The following KPNA1 variants were observed in gnomAD, a reference collection of about 807,000 sequenced individuals.
KPNA1 encodes the protein importin subunit alpha-5.
Under a neutral mutation model 70.5 loss-of-function variants are expected in KPNA1, and 10 were observed. The observed-to-expected ratio is 0.14, with a 90% CI of 0.09 to 0.24. KPNA1 has a LOEUF of 0.24. Among genes scored for constraint, KPNA1 ranks in the 10% least tolerant of loss-of-function variants. The pLI is 1.00. For missense variants in KPNA1, 397 were observed against 637.9 expected (o/e 0.62, Z 4.07); for synonymous variants, 192 against 221.9 (o/e 0.87, Z 1.20).
At chr3:122,457,897 A>G (rs1444866708) in intron 5 of KPNA1, 3 of 1,280,198 alleles carry the variant, frequency 2.3e-6, no homozygotes, top group South Asian at 1.3e-5. Flanking sequence ...ATAAACCCAG[A>G]TAGCAAACTC....
chr3:122,427,383 T>C (rs2075836431), intron 13 of KPNA1, 155 bp downstream of exon 13: 2 of 784,806 alleles, frequency 2.5e-6, no homozygotes, highest in South Asian at 1.9e-5. Flanking sequence ...ACATCTTAAA[T>C]ACATATGCAA....
intron 2 of KPNA1, among the ~76,000 whole-genome samples, chr3:122,471,839 T>A (rs1275188779): frequency 6.6e-6 from 1 of 152,180 alleles, no homozygotes; most frequent in Non-Finnish European, 1.5e-5. Context: ...ACACAGCAGA[T>A]AAGACAAGTT....
intron 2 of KPNA1, among the ~76,000 whole-genome samples, chr3:122,481,215 A>G (rs1186968915): frequency 6.6e-6 from 1 of 152,204 alleles, no homozygotes; most frequent in East Asian, 1.9e-4. Context: ...ACATACATCC[A>G]CACAAAAACT....
At position 122,427,002 on chromosome 3, in the gene KPNA1, C is replaced by T. The variant is rs1560012233; in HGVS notation, c.1600G>A (p.Glu534Lys). The T allele has an allele frequency of 1.2e-6, 2 of 1,614,066 alleles. No homozygotes were observed. Among genetic ancestry groups the T allele is most frequent in the African/African-American group, 1.3e-5 (1 of 75,040 alleles). ...GTATTGCTTCAAAGCTGGAAACCTT[C>T]CATAGGAGCCTCACACTGTTGGAAG... ...YIFQQCEAPM[E>K]GFQL The change falls in exon 14 of 14, where the codon GAA (glutamate) becomes AAA (lysine). Residue 534 changes from glutamate (E) to lysine (K), a missense_variant. Physicochemically the swap from Glu to Lys is moderately conservative, Grantham distance 56 (BLOSUM62 1). Coordinates refer to ENST00000344337, the MANE Select transcript of KPNA1 (RefSeq NM_002264.4).
At chr3:122,492,023 G>A (rs367951610) in intron 2 of KPNA1, among the ~76,000 whole-genome samples, 97 of 151,170 alleles carry the variant, frequency 6.4e-4, no homozygotes, top group Admixed American at 3.2e-3. Context: ...CACCATGCCC[G>A]GCTAATTTTT....
At chr3:122,487,907 A>G (rs1295356557) in intron 2 of KPNA1, among the ~76,000 whole-genome samples, 2 of 152,226 alleles carry the variant, frequency 1.3e-5, no homozygotes, top group East Asian at 3.8e-4. Context: ...TTTTTTCACC[A>G]ATTATTAATA....
chr3:122,450,744 C>T (rs1229121303), intron 8 of KPNA1, among the ~76,000 whole-genome samples: 1 of 152,168 alleles, frequency 6.6e-6, no homozygotes, highest in Non-Finnish European at 1.5e-5. Flanking sequence ...GCACCAGTCC[C>T]ATTCCTGGGT....
intron 1 of KPNA1, among the ~76,000 whole-genome samples, chr3:122,507,368 A>T (rs1396213609): frequency 6.7e-6 from 1 of 149,394 alleles, no homozygotes; most frequent in Admixed American, 6.7e-5. Flanking sequence ...TTGAACCCAG[A>T]TGGCAGAGGT....
intron 1 of KPNA1, among the ~76,000 whole-genome samples, chr3:122,514,180 T>C (rs2076988376): frequency 6.6e-6 from 1 of 152,066 alleles, no homozygotes; most frequent in East Asian, 1.9e-4. Context: ...CCCATGTTGT[T>C]ATGACATCGG....
chr3:122,481,442 T>G (rs1461510964), intron 2 of KPNA1, among the ~76,000 whole-genome samples: 1 of 152,238 alleles, frequency 6.6e-6, no homozygotes, highest in African/African-American at 2.4e-5. Context: ...TACTGTATGA[T>G]TCCACTTATA....
Position 122,425,110 on chromosome 3 carries a change from C to T in KPNA1, c.*1875G>A, listed in dbSNP as rs1007463833. 1 of 152,500 alleles carries T rather than the reference C, an allele frequency of 6.6e-6. No homozygotes were observed. Among genetic ancestry groups the T allele is most frequent in the Non-Finnish European group, 1.5e-5 (1 of 68,060 alleles). 9.4% of individuals were successfully genotyped at this position (152,500 alleles called of 1,614,324 possible). A position where few individuals can be genotyped will look rare whatever the true frequency, so the allele number is the denominator to read the frequency against. ...ATAACAAACAGACATCAGACGGTAT[C>T]CATCCCAGAGCACAGACACTACTAC... On this transcript the variant is annotated 3_prime_UTR_variant, in exon 14 of 14. Coordinates refer to ENST00000344337, the MANE Select transcript of KPNA1 (RefSeq NM_002264.4).
intron 9 of KPNA1, among the ~76,000 whole-genome samples, chr3:122,448,199 C>T (rs949176257): frequency 3.3e-5 from 5 of 152,112 alleles, no homozygotes; most frequent in Non-Finnish European, 5.9e-5. Flanking sequence ...GGCGATTCCT[C>T]AAGGATCTAG....
intron 2 of KPNA1, among the ~76,000 whole-genome samples, chr3:122,482,569 T>A (rs1057468232): frequency 6.6e-6 from 1 of 152,168 alleles, no homozygotes; most frequent in Non-Finnish European, 1.5e-5. Flanking sequence ...GAAACTTTTA[T>A]CTGTAGATGA....
intron 2 of KPNA1, among the ~76,000 whole-genome samples, chr3:122,478,171 A>G (rs1204463082): frequency 6.6e-6 from 1 of 151,260 alleles, no homozygotes. Context: ...AAAAAAAAAA[A>G]AAAAAGAAAA....
intron 2 of KPNA1, among the ~76,000 whole-genome samples, chr3:122,496,131 C>T (rs2076757733): frequency 6.6e-6 from 1 of 152,228 alleles, no homozygotes; most frequent in African/African-American, 2.4e-5. Context: ...TCAAAAAAAT[C>T]TTAAAGAAGA....
At chr3:122,478,801 G>C (rs2076535931) in intron 2 of KPNA1, among the ~76,000 whole-genome samples, 1 of 145,816 alleles carries the variant, frequency 6.9e-6, no homozygotes. Context: ...AGCTGAGGCA[G>C]GAGAATCGCT....
At chr3:122,454,136 T>C (rs190765983) in intron 5 of KPNA1, 135 bp from the exon 6 acceptor site, 38 of 529,080 alleles carry the variant, frequency 7.2e-5, no homozygotes, top group Admixed American at 1.1e-4. Context: ...TTGAGTACTA[T>C]ATTAATTTTA....
rs2107709298 is a variant in KPNA1 at position 122,423,674 on chromosome 3, G to GT, written c.*3310dup. 1 of 152,752 alleles carries GT rather than the reference G, an allele frequency of 6.5e-6. No individual in the cohort carries two copies. The highest frequency in any genetic ancestry group is 2.1e-4 in the South Asian group (1 of 4,832). The allele number at this position is 152,752 out of a possible 1,614,324, so 9.5% of individuals were successfully genotyped here. A position where few individuals can be genotyped will look rare whatever the true frequency, so the allele number is the denominator to read the frequency against. ...TAGAGAAGTAAATTCAAAGTTGCCT[G>GT]TGGGTAGACGTACAATAGAATTGGT... On this transcript the variant is annotated 3_prime_UTR_variant, in exon 14 of 14. Coordinates refer to ENST00000344337, the MANE Select transcript of KPNA1 (RefSeq NM_002264.4).
chr3:122,503,722 G>T (rs532108639), intron 1 of KPNA1, among the ~76,000 whole-genome samples: 1 of 152,276 alleles, frequency 6.6e-6, no homozygotes, highest in South Asian at 2.1e-4. Context: ...ATTAAATATG[G>T]TGAATTATAT....
Sources: allele counts gnomAD v4.1 joint callset (sites outside exome capture counted in the v4.1 genomes callset), GRCh38; gene constraint gnomAD v4.1.1; transcripts MANE v1.5; gene names NCBI Gene and HGNC (gene_info 2026-07-23, HGNC 2026-07-21).